The following PAPPA variants were observed in gnomAD, a reference collection of about 807,000 sequenced individuals.
PAPPA encodes the protein pappalysin 1.
In PAPPA, 60 loss-of-function variants were observed where a neutral mutation model predicts 164.0. The observed-to-expected ratio is 0.37, with a 90% CI of 0.30 to 0.45. The LOEUF is 0.45. PAPPA is among the 20% of genes least tolerant of loss of function. PAPPA has a pLI of 1.00. For missense variants in PAPPA, 1,782 were observed against 2,087.3 expected, an observed-to-expected ratio of 0.85 and a Z score of 2.85; for synonymous variants, 875 against 814.1, an observed-to-expected ratio of 1.07 and a Z score of -1.27.
chr9:116,220,280 G>T (rs2118705951), intron 5 of PAPPA, 151 bp downstream of exon 5: 3 of 502,352 alleles, frequency 6.0e-6, no homozygotes, highest in East Asian at 3.0e-5. Flanking sequence ...TTGTAAATTT[G>T]GGATCAGGGA....
At chr9:116,242,172 G>C (rs192137922) in intron 7 of PAPPA, among the ~76,000 whole-genome samples, 3 of 152,200 alleles carry the variant, frequency 2.0e-5, no homozygotes, top group Admixed American at 6.5e-5. Context: ...AGGAGCACGG[G>C]GGGCAGGGGG....
At chr9:116,287,172 G>C (rs946307823) in intron 9 of PAPPA, 1 of 152,222 alleles carries the variant, frequency 6.6e-6, no homozygotes, top group African/African-American at 2.4e-5. Context: ...CAAACACGGG[G>C]CTCTTCTAGA....
At position 116,302,822 on chromosome 9, in the gene PAPPA, A is replaced by G. The variant is rs369264256; in HGVS notation, c.3019A>G (p.Ser1007Gly). Residue 1007 changes from serine to glycine, a missense_variant, in exon 10 of 22, where the codon AGC becomes GGC. This residue lies in a region of PAPPA where 1,324 missense variants were observed against 1,656.9 expected (regional missense o/e 0.80). Coordinates refer to ENST00000328252, the MANE Select transcript of PAPPA (RefSeq NM_002581.5). ...ATGTGAGGAGTTTGAACAAAAAACCAGCATTAAGGACTGTGGTGTCTACAC... is the reference window on the plus strand; with the variant it reads ...ATGTGAGGAGTTTGAACAAAAAACCGGCATTAAGGACTGTGGTGTCTACAC... ...GVCEEFEQKT[S>G]IKDCGVYTPQ... 4 of 1,613,970 alleles carry G rather than the reference A, an allele frequency of 2.5e-6. No individual in the cohort carries two copies. The African/African-American group carries it at 4.0e-5, about 16-fold the overall frequency.
At chr9:116,314,060 C>CTTTTTTTTTTTTTTTTTTTTTTTTTTT (rs57871796) in intron 10 of PAPPA, among the ~76,000 whole-genome samples, 2 of 69,698 alleles carry the variant, frequency 2.9e-5, no homozygotes, top group East Asian at 4.6e-4. Context: ...TGCATCGAAT[C>CTTTTTTTTTTTTTTTTTTTTTTTTTTT]TTTTTTTTTT....
intron 10 of PAPPA, among the ~76,000 whole-genome samples, chr9:116,317,494 T>C (rs1183673323): frequency 6.6e-6 from 1 of 152,230 alleles, no homozygotes; most frequent in Non-Finnish European, 1.5e-5. Context: ...TGAATTTCAC[T>C]CTAGAGCCAG....
At chr9:116,385,006 A>G (rs1269274946) in intron 21 of PAPPA, among the ~76,000 whole-genome samples, 1 of 151,998 alleles carries the variant, frequency 6.6e-6, no homozygotes, top group Non-Finnish European at 1.5e-5. Flanking sequence ...CTCTCTACAG[A>G]GTGCATTGTG....
intron 1 of PAPPA, among the ~76,000 whole-genome samples, chr9:116,165,761 T>G (rs952963584): frequency 2.6e-5 from 4 of 152,220 alleles, no homozygotes; most frequent in South Asian, 2.1e-4. Flanking sequence ...CAGTGCACCA[T>G]TTTGCAGAAT....
intron 21 of PAPPA, among the ~76,000 whole-genome samples, chr9:116,384,270 T>TTAATAATAATAATAATAATAA (rs3040228): frequency 1.3e-4 from 18 of 138,274 alleles, no homozygotes; most frequent in Admixed American, 2.2e-4. Flanking sequence ...CTACACGTAA[T>TTAATAATAATAATAATAATAA]TAATAATAAT....
At chr9:116,353,030 A>C in intron 16 of PAPPA, 114 bp downstream of exon 16, 1 of 775,730 alleles carries the variant, frequency 1.3e-6, no homozygotes, top group Admixed American at 2.0e-5. Flanking sequence ...ACTGCCATTC[A>C]TCCCATTCTG....
At position 116,154,155 on chromosome 9, in the gene PAPPA, C is replaced by CGGGGGCGCTGGGGGGGG; in HGVS notation, c.-13_-12insCGCTGGGGGGGGGGGGG. On this transcript the variant is annotated 5_prime_UTR_variant, in exon 1 of 22. Coordinates refer to ENST00000328252, the MANE Select transcript of PAPPA (RefSeq NM_002581.5). The surrounding 1 kb of genome is among the most constrained non-coding windows in gnomAD (Gnocchi z 5.2). ...TGGCGGTGCAGGGGCGAAGGGGGGG[C>CGGGGGCGCTGGGGGGGG]GGGGGGAACCGTCGGACATGCGGCT... 1 of 464,986 alleles carries CGGGGGCGCTGGGGGGGG rather than the reference C, an allele frequency of 2.2e-6. No homozygotes were observed. The highest frequency in any genetic ancestry group is 2.0e-4 in the East Asian group (1 of 5,054). The allele number at this position is 464,986 out of a possible 1,614,324, so 28.8% of individuals were successfully genotyped here.
At chr9:116,299,877 AT>A (rs11365748) in intron 9 of PAPPA, among the ~76,000 whole-genome samples, 103,834 of 142,910 alleles carry the variant, frequency 0.73, 39,822 homozygotes, top group Non-Finnish European at 0.85. Context: ...CATTACCTCC[AT>A]TTTTTTTTTT....
rs76787860 is a variant in PAPPA, at chr9:116,239,995, C to T, written c.2732+4358C>T. Among the ~76,000 whole-genome samples the T allele has an allele frequency of 7.1e-3, 1,085 of 152,208 alleles. 16 individuals are homozygous for T. Among genetic ancestry groups the T allele is most frequent in the African/African-American group, 0.025 (1,042 of 41,528 alleles). On this transcript the variant is annotated intron_variant, in intron 7 of 21. Transcript: ENST00000328252. ...AAATAGCAGGGAAGCATCTTTTTCT[C>T]CACTTGGCTGTCAAGTGCTTCTACA...
chr9:116,206,774 G>A (rs1035462240), intron 2 of PAPPA, among the ~76,000 whole-genome samples: 6 of 152,176 alleles, frequency 3.9e-5, no homozygotes, highest in African/African-American at 1.4e-4. Context: ...CATCAGGGAA[G>A]TCTTCCTGGA....
At chr9:116,228,661 G>A (rs1844547224) in intron 6 of PAPPA, among the ~76,000 whole-genome samples, 1 of 152,130 alleles carries the variant, frequency 6.6e-6, no homozygotes. Context: ...TAAAGCAAGA[G>A]GGATGTCTGG....
At chr9:116,234,801 T>C (rs1222945357) in intron 6 of PAPPA, among the ~76,000 whole-genome samples, 1 of 152,136 alleles carries the variant, frequency 6.6e-6, no homozygotes, top group Non-Finnish European at 1.5e-5. Flanking sequence ...ACACAGTGGG[T>C]GTTTAGCCAA....
intron 10 of PAPPA, among the ~76,000 whole-genome samples, chr9:116,307,848 G>A (rs1454773553): frequency 1.3e-5 from 2 of 152,126 alleles, no homozygotes; most frequent in African/African-American, 4.8e-5. Context: ...GGGAATCTTA[G>A]TGTCCTGTAG....
At chr9:116,251,983 T>G (rs1844866058) in intron 7 of PAPPA, among the ~76,000 whole-genome samples, 1 of 152,216 alleles carries the variant, frequency 6.6e-6, no homozygotes, top group South Asian at 2.1e-4. Flanking sequence ...ATTCTTTCCC[T>G]TCTATTTTGT....
chr9:116,337,265 G>A (rs1240074543), intron 13 of PAPPA, among the ~76,000 whole-genome samples: 1 of 152,214 alleles, frequency 6.6e-6, no homozygotes, highest in African/African-American at 2.4e-5. Context: ...ATGACAGGCT[G>A]AATCTTGAGG....
chr9:116,351,339 G>A (rs112376448), intron 15 of PAPPA, among the ~76,000 whole-genome samples: 27 of 152,350 alleles, frequency 1.8e-4, no homozygotes, highest in African/African-American at 6.3e-4. Flanking sequence ...ATGAAAAGAA[G>A]AAGGAAAGTG....
Sources: gnomAD v4.1 joint callset for allele counts (sites outside exome capture counted in the v4.1 genomes callset) on GRCh38, gnomAD v4.1.1 for gene constraint, gnomAD v4.1.1 regional missense constraint, Gnocchi (gnomAD v3.1) non-coding constraint, MANE v1.5 for transcripts, NCBI Gene and HGNC (gene_info 2026-07-23, HGNC 2026-07-21) for gene names.